Variants in ARID5B observed in about 807,000 individuals in gnomAD.
The protein encoded by ARID5B is AT-rich interaction domain 5B.
A neutral mutation model predicts 97.2 loss-of-function variants in ARID5B; 13 were observed. That is an observed-to-expected ratio of 0.13 (90% CI 0.09 to 0.21). The LOEUF is 0.21. Ranked by LOEUF, ARID5B falls within the 10% of genes least tolerant of loss-of-function variation. The pLI is 1.00. For missense variants in ARID5B, 1,210 were observed against 1,465.3 expected (o/e 0.83, Z 2.84); for synonymous variants, 556 against 570.3 (o/e 0.97, Z 0.36).
chr10:62,017,084 T>C (rs1437281045), intron 4 of ARID5B, among the ~76,000 whole-genome samples: 1 of 152,242 alleles, frequency 6.6e-6, no homozygotes, highest in Non-Finnish European at 1.5e-5. Flanking sequence ...GGGGAAGTAG[T>C]GATTAATGCA....
chr10:61,992,085 G>A (rs1010796587), intron 3 of ARID5B, among the ~76,000 whole-genome samples: 2 of 151,942 alleles, frequency 1.3e-5, no homozygotes, highest in Admixed American at 6.6e-5. Flanking sequence ...CCCATGTGAC[G>A]GGGAAGCAAG....
chr10:61,949,189 AC>A (rs528626311), intron 3 of ARID5B, among the ~76,000 whole-genome samples: 14 of 152,330 alleles, frequency 9.2e-5, no homozygotes, highest in Middle Eastern at 3.4e-3. Context: ...AGCTATTCCA[AC>A]CAAATAATAT....
At chr10:62,079,905 T>C (rs1840188822) in intron 8 of ARID5B, among the ~76,000 whole-genome samples, 1 of 152,248 alleles carries the variant, frequency 6.6e-6, no homozygotes, top group African/African-American at 2.4e-5. Flanking sequence ...CAAATGGTTA[T>C]ATTTCATCGT....
At chr10:61,908,501 A>G (rs1843741023) in intron 2 of ARID5B, among the ~76,000 whole-genome samples, 2 of 152,170 alleles carry the variant, frequency 1.3e-5, no homozygotes, top group Admixed American at 1.3e-4. Flanking sequence ...GCACTTGGAT[A>G]CAAGAGATTA....
chr10:61,933,990 A>ATC (rs1844255978), intron 2 of ARID5B, among the ~76,000 whole-genome samples: 1 of 152,162 alleles, frequency 6.6e-6, no homozygotes, highest in Non-Finnish European at 1.5e-5. Context: ...TCTATTGAAA[A>ATC]TCTGTTGTTT....
rs571413236 is a variant in ARID5B at position 62,092,552 on chromosome 10, C to T, written c.3089C>T (p.Ala1030Val). The T allele has an allele frequency of 6.8e-6, 11 of 1,614,194 alleles. No homozygotes were observed. The African/African-American group carries it at 1.2e-4, about 18-fold the overall frequency. ...DLVIAGKKAR[A>V]VSPLDPSKEV... ...GTGATTGCAGGGAAAAAGGCCCGGGCAGTGTCTCCCTTAGACCCATCCAAG... is the reference window on the plus strand; with the variant it reads ...GTGATTGCAGGGAAAAAGGCCCGGGTAGTGTCTCCCTTAGACCCATCCAAG... The change falls in exon 10 of 10, where the codon GCA (alanine) becomes GTA (valine). Residue 1030 changes from alanine to valine, a missense_variant. Ala to Val is a moderately conservative substitution (Grantham distance 64). Transcript: ENST00000279873.
At chr10:62,055,369 C>T (rs570330783) in intron 5 of ARID5B, among the ~76,000 whole-genome samples, 11 of 152,148 alleles carry the variant, frequency 7.2e-5, no homozygotes, top group Admixed American at 3.3e-4. Flanking sequence ...ATTTCTAATA[C>T]GAAAATAATA....
At chr10:62,010,843 A>T (rs997177020) in intron 4 of ARID5B, among the ~76,000 whole-genome samples, 2 of 152,238 alleles carry the variant, frequency 1.3e-5, no homozygotes, top group Admixed American at 1.3e-4. Context: ...CACAGATACC[A>T]GAATTCGCCG....
At chr10:62,019,726 T>A (rs560502780) in intron 4 of ARID5B, among the ~76,000 whole-genome samples, 2 of 152,344 alleles carry the variant, frequency 1.3e-5, no homozygotes, top group Non-Finnish European at 2.9e-5. Context: ...CTGAGTTCAT[T>A]CGAAGGTGTC....
intron 9 of ARID5B, among the ~76,000 whole-genome samples, chr10:62,086,734 G>A (rs191580424): frequency 2.7e-5 from 4 of 147,314 alleles, no homozygotes; most frequent in African/African-American, 7.4e-5. Context: ...GTGGTGCCCC[G>A]CTGTGGTCCC....
At chr10:62,036,453 T>C (rs1219531491) in intron 4 of ARID5B, among the ~76,000 whole-genome samples, 1 of 152,158 alleles carries the variant, frequency 6.6e-6, no homozygotes, top group African/African-American at 2.4e-5. Context: ...CCTGATGGCT[T>C]TGCAAGTGTT....
intron 2 of ARID5B, among the ~76,000 whole-genome samples, chr10:61,915,321 CACAA>C (rs1843882070): frequency 6.6e-6 from 1 of 152,156 alleles, no homozygotes; most frequent in African/African-American, 2.4e-5. Context: ...ATAAACTTAT[CACAA>C]ACAAAGGGTG....
At chr10:61,949,746 T>A (rs764675463) in intron 3 of ARID5B, among the ~76,000 whole-genome samples, 1 of 152,222 alleles carries the variant, frequency 6.6e-6, no homozygotes, top group Non-Finnish European at 1.5e-5. Flanking sequence ...CAAAGAACTG[T>A]CTGTAGAGAT....
At chr10:62,043,543 G>C (rs973226597) in intron 4 of ARID5B, among the ~76,000 whole-genome samples, 2 of 152,200 alleles carry the variant, frequency 1.3e-5, no homozygotes, top group Non-Finnish European at 2.9e-5. Flanking sequence ...AAAAAGGCTT[G>C]CTTGTGTTTT....
intron 8 of ARID5B, among the ~76,000 whole-genome samples, chr10:62,084,932 A>G (rs1235192544): frequency 6.6e-6 from 1 of 152,072 alleles, no homozygotes; most frequent in East Asian, 1.9e-4. Context: ...GGAGTCCCCT[A>G]CCCCACTCAG....
At chr10:62,088,675 C>T (rs1840324485) in intron 9 of ARID5B, among the ~76,000 whole-genome samples, 1 of 152,242 alleles carries the variant, frequency 6.6e-6, no homozygotes, top group Admixed American at 6.5e-5. Flanking sequence ...ATACGAATCA[C>T]TTCTCACCTC....
At chr10:61,992,013 C>T (rs906599487) in intron 3 of ARID5B, among the ~76,000 whole-genome samples, 1 of 150,732 alleles carries the variant, frequency 6.6e-6, no homozygotes, top group South Asian at 2.1e-4. Context: ...GCCTGGGCAA[C>T]AATAGCGAAA....
chr10:61,944,094 A>G (rs555269648), intron 3 of ARID5B, among the ~76,000 whole-genome samples: 4 of 152,354 alleles, frequency 2.6e-5, no homozygotes, highest in African/African-American at 9.6e-5. Context: ...TTTTCAAAGA[A>G]AGAAAGTTCA....
intron 2 of ARID5B, among the ~76,000 whole-genome samples, chr10:61,934,287 C>T (rs977160581): frequency 6.6e-6 from 1 of 152,208 alleles, no homozygotes; most frequent in African/African-American, 2.4e-5. Flanking sequence ...CTAAAACTTT[C>T]TCCATATCAG....
Sources: gnomAD v4.1 joint callset for allele counts (sites outside exome capture counted in the v4.1 genomes callset) on GRCh38, gnomAD v4.1.1 for gene constraint, MANE v1.5 for transcripts, NCBI Gene and HGNC (gene_info 2026-07-23, HGNC 2026-07-21) for gene names.